Variants in KIFC3 observed in about 807,000 individuals in gnomAD.
The protein encoded by KIFC3 is kinesin family member C3.
KIFC3 carries 60 observed loss-of-function variants against 101.8 expected under a neutral mutation model. That is an observed-to-expected ratio of 0.59 (90% CI 0.48 to 0.73). KIFC3 has a LOEUF of 0.73. Among genes scored for constraint, KIFC3 ranks in the 30% least tolerant of loss-of-function variants. The pLI, the probability that KIFC3 is intolerant of heterozygous loss-of-function variation, is 0.00. For missense variants in KIFC3, 966 were observed against 1,137.1 expected (o/e 0.85, Z 2.16); for synonymous variants, 476 against 482.7 (o/e 0.99, Z 0.18).
chr16:57,861,874 G>T (rs1415736745), intron 1 of KIFC3, among the ~76,000 whole-genome samples: 4 of 152,240 alleles, frequency 2.6e-5, no homozygotes, highest in South Asian at 4.1e-4. Flanking sequence ...ACTTGAACCT[G>T]GGAGGCGGAG....
At chr16:57,797,864 CCTCTTTTCCAGACAGG>C in intron 2 of KIFC3, 192 bp downstream of exon 2, 1 of 1,456,724 alleles carries the variant, frequency 6.9e-7, no homozygotes, top group Non-Finnish European at 9.0e-7. Context: ...TTCCAGGTCT[CCTCTTTTCCAGACAGG>C]GGCGCAGGGA....
chr16:57,821,288 G>A (rs1404535440), intron 1 of KIFC3, among the ~76,000 whole-genome samples: 1 of 152,160 alleles, frequency 6.6e-6, no homozygotes, highest in Non-Finnish European at 1.5e-5. Context: ...AGGGGTGGCT[G>A]GGCATCAAGC....
intron 1 of KIFC3, among the ~76,000 whole-genome samples, chr16:57,849,034 AC>A (rs2055994748): frequency 2.6e-5 from 4 of 152,218 alleles, no homozygotes; most frequent in Admixed American, 2.0e-4. Context: ...TAAGTACCAC[AC>A]TTTTTCTGTG....
chr16:57,836,776 C>T (rs915437781), intron 1 of KIFC3, among the ~76,000 whole-genome samples: 44 of 150,476 alleles, frequency 2.9e-4, no homozygotes, highest in African/African-American at 1.0e-3. Context: ...ACTGCAGCCT[C>T]GAAGTCCTGG....
chr16:57,844,275 C>T (rs1469498688), intron 1 of KIFC3, among the ~76,000 whole-genome samples: 1 of 151,442 alleles, frequency 6.6e-6, no homozygotes, highest in Admixed American at 6.6e-5. Context: ...ACTAAAAATA[C>T]AAAAATTAGC....
At chr16:57,830,173 T>C (rs1467302703) in intron 1 of KIFC3, among the ~76,000 whole-genome samples, 1 of 152,062 alleles carries the variant, frequency 6.6e-6, no homozygotes, top group African/African-American at 2.4e-5. Context: ...AGCCATTTAA[T>C]TTGCTGTGTG....
At chr16:57,837,539 G>GGA (rs1403489131) in intron 1 of KIFC3, among the ~76,000 whole-genome samples, 3 of 10,880 alleles carry the variant, frequency 2.8e-4, no homozygotes, top group Admixed American at 1.4e-3. Context: ...AAGAAAGAAA[G>GGA]AGAAAGGAAG....
intron 1 of KIFC3, among the ~76,000 whole-genome samples, chr16:57,858,286 A>T (rs543422795): frequency 6.6e-6 from 1 of 152,188 alleles, no homozygotes; most frequent in Non-Finnish European, 1.5e-5. Context: ...CCAAATGTCC[A>T]TTATATGTCT....
In KIFC3 at chr16:57,771,270, C is replaced by T; in HGVS notation, c.693G>A (p.Glu231=). 6.2e-7 allele frequency: 1 copy of T among 1,613,064 alleles called. No homozygotes were observed. ...DCLAEKAQEE[E]RLSRRLRDSH... is the part of the protein sequence containing the mutation. ...TGTCACGCAGGCGCCGACTAAGCCGCTCCTCCTCCTGTGCCTTCTCAGCCA... is the reference window on the plus strand; with the variant it reads ...TGTCACGCAGGCGCCGACTAAGCCGTTCCTCCTCCTGTGCCTTCTCAGCCA... The change falls in exon 6 of 20, where the codon GAG becomes GAA. Residue 231 remains glutamate, a synonymous_variant. Transcript: ENST00000445690.
intron 18 of KIFC3, 149 bp downstream of exon 18, chr16:57,759,579 G>C: frequency 1.6e-6 from 1 of 620,114 alleles, no homozygotes; most frequent in Non-Finnish European, 2.8e-6. Flanking sequence ...ACTACTGCCT[G>C]GGGGCAGGGG....
rs782343536 is a variant in KIFC3, at chr16:57,760,385, G to A, written c.2264C>T (p.Thr755Met). 10 of 1,613,760 alleles carry A rather than the reference G, an allele frequency of 6.2e-6. No individual in the cohort carries two copies. The highest frequency in any genetic ancestry group is 1.7e-5 in the Admixed American group (1 of 59,990). The change falls in exon 17 of 20, where the codon ACG becomes ATG. Residue 755 changes from threonine to methionine, a missense_variant. By Grantham distance (81) the Thr-to-Met change is moderately conservative (BLOSUM62 -1). This residue lies in a region of KIFC3 where 689 missense variants were observed against 884.6 expected (regional missense o/e 0.78). Coordinates refer to ENST00000445690, the MANE Select transcript of KIFC3 (RefSeq NM_001130100.2). ...VSPVEKNTSETLYSLKFAERV... is the reference protein window; with the variant it reads ...VSPVEKNTSEMLYSLKFAERV... ...CTCAGCAAACTTGAGGGAATAGAGCGTCTCGCTAGTGTTCTTCTCCACGGG... is the reference window on the plus strand; with the variant it reads ...CTCAGCAAACTTGAGGGAATAGAGCATCTCGCTAGTGTTCTTCTCCACGGG...
At chr16:57,838,442 C>G (rs1450440306) in intron 1 of KIFC3, among the ~76,000 whole-genome samples, 2 of 152,162 alleles carry the variant, frequency 1.3e-5, no homozygotes, top group African/African-American at 4.8e-5. Context: ...CTAGTTACAG[C>G]CCAGCCTGCT....
intron 3 of KIFC3, chr16:57,775,725 A>G: frequency 2.0e-6 from 2 of 985,588 alleles, no homozygotes; most frequent in Non-Finnish European, 2.4e-6. Context: ...TTGTGGCCAC[A>G]AAGGGGCAGC....
At chr16:57,780,111 T>C (rs2052549569) in intron 3 of KIFC3, among the ~76,000 whole-genome samples, 1 of 152,210 alleles carries the variant, frequency 6.6e-6, no homozygotes, top group African/African-American at 2.4e-5. Context: ...ATGTGGGGAT[T>C]ACAATTCGAG....
upstream of KIFC3, among the ~76,000 whole-genome samples, chr16:57,805,308 A>G (rs1429678398): frequency 1.3e-5 from 2 of 152,104 alleles, no homozygotes; most frequent in Non-Finnish European, 2.9e-5. Flanking sequence ...AAGAATGTAC[A>G]ATGTCATCAG....
At chr16:57,760,630 G>T in intron 16 of KIFC3, 96 bp downstream of exon 16, 1 of 1,193,524 alleles carries the variant, frequency 8.4e-7, no homozygotes, top group Non-Finnish European at 1.2e-6. Context: ...TCTAGGGGCG[G>T]GGAGGTCCAT....
At chr16:57,850,464 G>A (rs944267203) in intron 1 of KIFC3, among the ~76,000 whole-genome samples, 1 of 121,944 alleles carries the variant, frequency 8.2e-6, no homozygotes, top group African/African-American at 3.1e-5. Flanking sequence ...TTTTAAAAAG[G>A]GTTTTTTTTT....
At position 57,793,498 on chromosome 16, in the gene KIFC3, C is replaced by T. The variant is rs782563771; in HGVS notation, c.315+1501G>A. Among the ~76,000 whole-genome samples, 36 of 151,188 alleles carry T rather than the reference C, an allele frequency of 2.4e-4. 1 individual carries two copies. Among genetic ancestry groups the T allele is most frequent in the Non-Finnish European group, 4.9e-4 (33 of 67,960 alleles). On this transcript the variant is annotated intron_variant, in intron 3 of 19. Transcript: ENST00000445690. ...ATCCCAGCTACTTGGGAGGCTGAGACAGGAGAATCACTGGAATCCGGGAGG... is the reference window on the plus strand; with the variant it reads ...ATCCCAGCTACTTGGGAGGCTGAGATAGGAGAATCACTGGAATCCGGGAGG...
chr16:57,794,369 G>A (rs566811499), intron 3 of KIFC3, among the ~76,000 whole-genome samples: 43 of 151,850 alleles, frequency 2.8e-4, no homozygotes, highest in African/African-American at 1.0e-3. Flanking sequence ...GGGACTATAG[G>A]AACCACCATG....
Sources: allele counts gnomAD v4.1 joint callset (sites outside exome capture counted in the v4.1 genomes callset), GRCh38; gene constraint gnomAD v4.1.1; regional missense constraint gnomAD v4.1.1; transcripts MANE v1.5; gene names NCBI Gene and HGNC (gene_info 2026-07-23, HGNC 2026-07-21).